Variants in FGF14 observed in about 807,000 individuals in gnomAD.
FGF14 encodes fibroblast growth factor homologous factor 4.
FGF14 carries 5 observed loss-of-function variants against 25.5 expected under a neutral mutation model. The ratio of observed to expected loss-of-function variants is 0.20; its 90% confidence interval spans 0.10 to 0.41. The LOEUF (loss-of-function observed/expected upper bound fraction) is 0.41, where lower values mean the gene tolerates loss of function less well. FGF14 is among the 10% of genes least tolerant of loss of function. The pLI is 1.00. For missense variants in FGF14, 222 were observed against 320.1 expected, an observed-to-expected ratio of 0.69 and a Z score of 2.34; for synonymous variants, 138 against 118.3, an observed-to-expected ratio of 1.17 and a Z score of -1.08.
intron 1 of FGF14, among the ~76,000 whole-genome samples, chr13:102,352,240 TATACAC>T (rs2057301478): frequency 8.3e-6 from 1 of 120,558 alleles, no homozygotes. Context: ...TCTGTACCTT[TATACAC>T]ACACACACAC....
chr13:102,371,820 G>A (rs2057893565), intron 1 of FGF14, among the ~76,000 whole-genome samples: 1 of 152,094 alleles, frequency 6.6e-6, no homozygotes. Flanking sequence ...TAACATATAT[G>A]TAAAATATAT....
chr13:102,090,322 CT>C (rs898431423), intron 1 of FGF14, among the ~76,000 whole-genome samples: 4 of 152,142 alleles, frequency 2.6e-5, no homozygotes, highest in African/African-American at 9.7e-5. Flanking sequence ...ATGACTTTGT[CT>C]CCTGTGCTAC....
intron 3 of FGF14, among the ~76,000 whole-genome samples, chr13:101,739,059 C>T (rs2036372934): frequency 6.9e-6 from 1 of 145,012 alleles, no homozygotes; most frequent in African/African-American, 2.5e-5. Flanking sequence ...AAAGATGATT[C>T]TTCCCACCTC....
intron 1 of FGF14, among the ~76,000 whole-genome samples, chr13:102,256,512 A>C (rs1441721147): frequency 2.0e-5 from 3 of 152,126 alleles, no homozygotes; most frequent in Admixed American, 2.0e-4. Context: ...AAAAGGAAGA[A>C]AAAAGTAGCT....
intron 3 of FGF14, among the ~76,000 whole-genome samples, chr13:101,756,562 G>A (rs765946377): frequency 1.3e-5 from 2 of 151,916 alleles, no homozygotes; most frequent in South Asian, 4.2e-4. Context: ...GTGAAACCCC[G>A]TCTCTACTAA....
rs34575465 is a variant in FGF14, at chr13:102,312,222, CAAA to C, written c.208+89246_208+89248del. Among the ~76,000 whole-genome samples the C allele has an allele frequency of 2.7e-3, 259 of 96,896 alleles. 2 individuals carry two copies. Among genetic ancestry groups the C allele is most frequent in the African/African-American group, 7.4e-3 (208 of 28,254 alleles). 63.6% of individuals were successfully genotyped at this position (96,896 alleles called of 152,430 possible). A position where few individuals can be genotyped will look rare whatever the true frequency, so the allele number is the denominator to read the frequency against. On this transcript the variant is annotated intron_variant, in intron 1 of 4. Transcript: ENST00000376131. ...TAATGAACAAGTACAAGACCTAAAC[CAAA>C]AAAAAAAAAAAAAAGGCAAACTCTG... is the stretch of plus-strand genomic sequence containing the variant.
At chr13:102,123,826 C>T (rs1023228994) in intron 1 of FGF14, among the ~76,000 whole-genome samples, 1 of 152,054 alleles carries the variant, frequency 6.6e-6, no homozygotes, top group Admixed American at 6.6e-5. Context: ...AAGTGTGAAA[C>T]AATAGTCATT....
chr13:102,049,814 G>T (rs1234067311), intron 1 of FGF14, among the ~76,000 whole-genome samples: 1 of 152,080 alleles, frequency 6.6e-6, no homozygotes, highest in African/African-American at 2.4e-5. Flanking sequence ...GGAGAGAGCT[G>T]TCCACAATCC....
At position 102,157,939 on chromosome 13, in the gene FGF14, A is replaced by G. The variant is rs544002892; in HGVS notation, c.208+243532T>C. Among the ~76,000 whole-genome samples the G allele has an allele frequency of 2.0e-5, 3 of 152,372 alleles. No individual in the cohort carries two copies. In the South Asian group the frequency reaches 6.2e-4, roughly 32 times the overall value. ...GAAAAAATGCTCATCATCACTGGCC[A>G]TCAGAAAAATGCAAATCAAAACCAT... is the stretch of plus-strand genomic sequence containing the variant. On this transcript the variant is annotated intron_variant, in intron 1 of 4. Coordinates refer to the FGF14 transcript ENST00000376131.
At chr13:102,268,307 T>C (rs913726221) in intron 1 of FGF14, among the ~76,000 whole-genome samples, 1 of 151,878 alleles carries the variant, frequency 6.6e-6, no homozygotes, top group Non-Finnish European at 1.5e-5. Flanking sequence ...AATGTGTAGT[T>C]AAAAAAAACT....
At chr13:102,241,549 G>T (rs2051601452) in intron 1 of FGF14, among the ~76,000 whole-genome samples, 1 of 152,074 alleles carries the variant, frequency 6.6e-6, no homozygotes, top group Admixed American at 6.6e-5. Flanking sequence ...AACTAACAAA[G>T]ACAGCTCAGA....
At chr13:102,317,850 T>C (rs1009444013) in intron 1 of FGF14, among the ~76,000 whole-genome samples, 4 of 152,204 alleles carry the variant, frequency 2.6e-5, no homozygotes, top group Admixed American at 6.5e-5. Flanking sequence ...AAAGTCCAGT[T>C]TGACCATGTG....
chr13:102,159,324 T>C (rs1355899656), intron 1 of FGF14, among the ~76,000 whole-genome samples: 1 of 152,178 alleles, frequency 6.6e-6, no homozygotes, highest in Admixed American at 6.5e-5. Context: ...CAAAGCTTCA[T>C]AGCATTGACA....
chr13:102,385,758 CACAA>C (rs990886373), intron 1 of FGF14, among the ~76,000 whole-genome samples: 2 of 152,070 alleles, frequency 1.3e-5, no homozygotes, highest in African/African-American at 4.8e-5. Flanking sequence ...GGGGTAAGTG[CACAA>C]ACACTTAAAA....
In FGF14 at chr13:101,960,997, A is replaced by C. The variant is rs376425692; in HGVS notation, c.209-85701T>G. On this transcript the variant is annotated intron_variant, in intron 1 of 4. Transcript: ENST00000376131. ...TTGGCAGGATAAATGTCTTCTTTTG[A>C]GAAGTGTCTGTTCATATCTTTTGCC... Among the ~76,000 whole-genome samples the C allele has an allele frequency of 2.6e-5, 4 of 152,110 alleles. No homozygotes were observed. The South Asian group carries it at 8.3e-4, about 31-fold the overall frequency.
At position 102,292,294 on chromosome 13, in the gene FGF14, A is replaced by AAAC. The variant is rs1555395253; in HGVS notation, c.208+109176_208+109177insGTT. On this transcript the variant is annotated intron_variant, in intron 1 of 4. Coordinates refer to the FGF14 transcript ENST00000376131. ...ACTCTATAGCAAAAAAAAAAAAAAA[A>AAAC]AAAAAAAAAAACTGACAATTTCAAA... is the stretch of plus-strand genomic sequence containing the variant. 322 of 150,454 alleles carry AAAC rather than the reference A, an allele frequency of 2.1e-3. 7 individuals carry two copies. The highest frequency in any genetic ancestry group is 0.015 in the Admixed American group (225 of 14,934). 9.3% of individuals were successfully genotyped at this position (150,454 alleles called of 1,614,324 possible). A position where few individuals can be genotyped will look rare whatever the true frequency, so the allele number is the denominator to read the frequency against.
chr13:101,726,194 G>A (rs1255404499), intron 4 of FGF14, among the ~76,000 whole-genome samples: 1 of 151,770 alleles, frequency 6.6e-6, no homozygotes, highest in African/African-American at 2.4e-5. Context: ...ATATCAAAAT[G>A]GAAAATACTT....
chr13:102,397,122 G>C (rs2058603552), intron 1 of FGF14, among the ~76,000 whole-genome samples: 2 of 152,184 alleles, frequency 1.3e-5, no homozygotes, highest in African/African-American at 4.8e-5. Context: ...GGATGAGTCG[G>C]TAGGCTGAGA....
chr13:102,390,287 C>T (rs2058403024), intron 1 of FGF14, among the ~76,000 whole-genome samples: 1 of 152,144 alleles, frequency 6.6e-6, no homozygotes. Flanking sequence ...ATGCACACAA[C>T]TGTTAGAATA....
Sources: allele counts gnomAD v4.1 joint callset (sites outside exome capture counted in the v4.1 genomes callset), GRCh38; gene constraint gnomAD v4.1.1; transcripts MANE v1.5; gene names NCBI Gene and HGNC (gene_info 2026-07-23, HGNC 2026-07-21).